Variants in AGO2 observed in about 807,000 individuals in gnomAD.
The protein encoded by AGO2 is argonaute RISC catalytic component 2.
AGO2 carries 5 observed loss-of-function variants against 102.3 expected under a neutral mutation model. The observed-to-expected ratio is 0.05, with a 90% CI of 0.03 to 0.10. The LOEUF is 0.10. Ranked by LOEUF, AGO2 falls within the 10% of genes least tolerant of loss-of-function variation. The probability of loss-of-function intolerance (pLI) is 1.00; values close to 1 mark genes in which losing one functional copy is unlikely to be tolerated. For missense variants in AGO2, 541 were observed against 1,183.7 expected (o/e 0.46, Z 7.97); for synonymous variants, 449 against 473.1 (o/e 0.95, Z 0.66).
chr8:140,539,225 G>A lies in AGO2; in HGVS notation c.2169+95C>T, dbSNP rs146097208. 424 of 1,484,980 alleles carry A rather than the reference G, an allele frequency of 2.9e-4. 2 individuals are homozygous for A. The East Asian group carries it at 7.5e-3, about 26-fold the overall frequency. The allele number at this position is 1,484,980 out of a possible 1,614,324, so 92.0% of individuals were successfully genotyped here. A position where few individuals can be genotyped will look rare whatever the true frequency, so the allele number is the denominator to read the frequency against. On this transcript the variant is annotated intron_variant, in intron 16 of 18. Coordinates refer to ENST00000220592, the MANE Select transcript of AGO2 (RefSeq NM_012154.5). The surrounding 1 kb of genome is among the most constrained non-coding windows in gnomAD (Gnocchi z 4.7). ...GAGTCACCCTAGAGCCTGGGACAGC[G>A]GCACTGTGGCCAGCAGGTTCTCTTG...
chr8:140,554,137 C>T (rs539290996), intron 10 of AGO2, among the ~76,000 whole-genome samples: 74 of 152,352 alleles, frequency 4.9e-4, no homozygotes, highest in African/African-American at 1.2e-3. Context: ...GGCTGTGAAG[C>T]GGTGCTGGGT....
intron 16 of AGO2, among the ~76,000 whole-genome samples, chr8:140,538,041 G>A (rs541677150): frequency 1.3e-5 from 2 of 151,776 alleles, no homozygotes; most frequent in East Asian, 2.0e-4. Flanking sequence ...GCTGGTCTCG[G>A]TCTCCTGACC....
At chr8:140,556,145 C>G (rs1446583772) in intron 9 of AGO2, 22 bp downstream of exon 9, 13 of 1,613,926 alleles carry the variant, frequency 8.1e-6, no homozygotes, top group Middle Eastern at 1.6e-4. Context: ...ACAGGGCAGC[C>G]CTGCCCGGGA....
intron 1 of AGO2, among the ~76,000 whole-genome samples, chr8:140,588,878 C>T (rs960977549): frequency 1.3e-5 from 2 of 152,214 alleles, no homozygotes; most frequent in African/African-American, 4.8e-5. Context: ...TGTACACAGC[C>T]GTGCCGTGTT....
chr8:140,559,821 G>A (rs2073166462), intron 5 of AGO2, among the ~76,000 whole-genome samples: 1 of 152,152 alleles, frequency 6.6e-6, no homozygotes, highest in Non-Finnish European at 1.5e-5. Flanking sequence ...GGATTTTCTG[G>A]TTACCGTCTG....
chr8:140,621,071 G>A (rs1273986136), intron 1 of AGO2, among the ~76,000 whole-genome samples: 1 of 152,056 alleles, frequency 6.6e-6, no homozygotes, highest in Non-Finnish European at 1.5e-5. Flanking sequence ...GAAGTTCTAT[G>A]GGCAGCAGCC....
chr8:140,568,470 T>A (rs1018108227), intron 3 of AGO2, among the ~76,000 whole-genome samples: 4 of 152,076 alleles, frequency 2.6e-5, no homozygotes, highest in Non-Finnish European at 5.9e-5. Context: ...AGGCGTGGCA[T>A]GTCTGGCTGG....
intron 1 of AGO2, chr8:140,592,243 C>T (rs1463387442): frequency 1.3e-5 from 2 of 152,268 alleles, no homozygotes; most frequent in African/African-American, 4.8e-5. Flanking sequence ...AGCATCTCAA[C>T]CACCGGCCCT....
chr8:140,594,943 A>C (rs1380785215), intron 1 of AGO2, among the ~76,000 whole-genome samples: 5 of 152,182 alleles, frequency 3.3e-5, no homozygotes, highest in African/African-American at 1.2e-4. Flanking sequence ...TACAGAGTTT[A>C]TATAAACTAA....
intron 10 of AGO2, among the ~76,000 whole-genome samples, chr8:140,552,523 C>T (rs923000031): frequency 5.3e-5 from 8 of 152,150 alleles, no homozygotes; most frequent in African/African-American, 1.9e-4. Flanking sequence ...CAGGAAGCAT[C>T]TTTCGTACAA....
chr8:140,616,031 G>A (rs1201374341), intron 1 of AGO2, among the ~76,000 whole-genome samples: 1 of 152,132 alleles, frequency 6.6e-6, no homozygotes, highest in Non-Finnish European at 1.5e-5. Flanking sequence ...AAGCCAACAG[G>A]CTCACCCTCA....
At chr8:140,631,451 T>C (rs906312159) in intron 1 of AGO2, among the ~76,000 whole-genome samples, 3 of 151,772 alleles carry the variant, frequency 2.0e-5, no homozygotes, top group Non-Finnish European at 4.4e-5. Context: ...GGAGAATCGC[T>C]TGAACCCGGG....
intron 1 of AGO2, among the ~76,000 whole-genome samples, chr8:140,596,341 T>C (rs1192458598): frequency 1.3e-5 from 2 of 152,156 alleles, no homozygotes; most frequent in Non-Finnish European, 2.9e-5. Flanking sequence ...CCCAGCATTT[T>C]GGGAGGCCAA....
intron 3 of AGO2, among the ~76,000 whole-genome samples, chr8:140,569,145 G>A (rs2073339372): frequency 6.6e-6 from 1 of 152,258 alleles, no homozygotes; most frequent in East Asian, 1.9e-4. Flanking sequence ...CGGCACTCCT[G>A]TGGCCATGGC....
chr8:140,626,708 A>C (rs1371624026), intron 1 of AGO2: 4 of 152,222 alleles, frequency 2.6e-5, no homozygotes, highest in Non-Finnish European at 5.9e-5. Flanking sequence ...ACGTCACATG[A>C]GCCCCCAGCC....
intron 13 of AGO2, among the ~76,000 whole-genome samples, chr8:140,545,657 C>T (rs757713016): frequency 1.3e-5 from 2 of 152,224 alleles, no homozygotes; most frequent in Non-Finnish European, 2.9e-5. Flanking sequence ...CTAATGATGA[C>T]GGGGTCTCTC....
At chr8:140,624,835 T>TGAGAAAC (rs1216668206) in intron 1 of AGO2, among the ~76,000 whole-genome samples, 3 of 152,192 alleles carry the variant, frequency 2.0e-5, no homozygotes, top group African/African-American at 7.2e-5. Flanking sequence ...GGATCTGCAA[T>TGAGAAAC]GAGAAACGGG....
Position 140,567,793 on chromosome 8 carries a change from C to T in AGO2, c.336+5019G>A, listed in dbSNP as rs2073311192. On this transcript the variant is annotated intron_variant, in intron 3 of 18. Coordinates refer to ENST00000220592, the MANE Select transcript of AGO2 (RefSeq NM_012154.5). This position sits in a 1 kb window ranked among gnomAD's most constrained non-coding sequence, Gnocchi z 5.0. The stretch of plus-strand genomic sequence containing the variant: ...TCATGGGGTGATTCCTCTTTGGGGT[C>T]GTCACACAACTCAGCAACAAAGGGA... Among the ~76,000 whole-genome samples the T allele has an allele frequency of 6.6e-6, 1 of 152,088 alleles. No homozygotes were observed. Among genetic ancestry groups the T allele is most frequent in the Non-Finnish European group, 1.5e-5 (1 of 68,016 alleles).
intron 4 of AGO2, among the ~76,000 whole-genome samples, chr8:140,562,075 G>A (rs541378881): frequency 1.4e-4 from 21 of 152,324 alleles, no homozygotes; most frequent in African/African-American, 4.8e-4. Context: ...CAGCGGTGAT[G>A]GTCCCTAGAG....
Sources: allele counts gnomAD v4.1 joint callset (sites outside exome capture counted in the v4.1 genomes callset), GRCh38; gene constraint gnomAD v4.1.1; non-coding constraint Gnocchi (gnomAD v3.1); transcripts MANE v1.5; gene names NCBI Gene and HGNC (gene_info 2026-07-23, HGNC 2026-07-21).